Variants in DYNC2H1 observed in about 807,000 individuals in gnomAD.
DYNC2H1 encodes cytoplasmic dynein 2 heavy chain 1.
A neutral mutation model predicts 570.0 loss-of-function variants in DYNC2H1; 410 were observed. The observed-to-expected ratio is 0.72, with a 90% CI of 0.66 to 0.78. The LOEUF (loss-of-function observed/expected upper bound fraction) is 0.78, where lower values mean the gene tolerates loss of function less well. DYNC2H1 is among the 30% of genes least tolerant of loss of function. The probability of loss-of-function intolerance (pLI) is 0.00; values close to 1 mark genes in which losing one functional copy is unlikely to be tolerated. For synonymous variants in DYNC2H1, 1,688 were observed against 1,677.6 expected (o/e 1.01, Z -0.15); for missense variants, 4,865 against 5,046.4 (o/e 0.96, Z 1.09).
intron 20 of DYNC2H1, among the ~76,000 whole-genome samples, chr11:103,149,584 G>A (rs1860432122): frequency 6.6e-6 from 1 of 152,144 alleles, no homozygotes; most frequent in Admixed American, 6.5e-5. Flanking sequence ...GTTTAAAGGT[G>A]AATAAAATAA....
At chr11:103,429,260 CA>C (rs35977617) in intron 84 of DYNC2H1, among the ~76,000 whole-genome samples, 84,059 of 147,990 alleles carry the variant, frequency 0.57, 24,099 homozygotes, top group East Asian at 0.72. Flanking sequence ...GACCCTGTCT[CA>C]AAAAAAAAAC....
intron 13 of DYNC2H1, among the ~76,000 whole-genome samples, chr11:103,132,044 T>G (rs1253831134): frequency 6.6e-6 from 1 of 152,154 alleles, no homozygotes; most frequent in Non-Finnish European, 1.5e-5. Context: ...TTTTCTCTCT[T>G]CTTCCTTTTA....
chr11:103,272,235 A>G (rs906534551), intron 70 of DYNC2H1, among the ~76,000 whole-genome samples: 6 of 152,228 alleles, frequency 3.9e-5, no homozygotes, highest in Non-Finnish European at 7.3e-5. Flanking sequence ...ATGGAATACT[A>G]TGCAGCCATA....
chr11:103,273,711 G>A (rs909042862), intron 70 of DYNC2H1, among the ~76,000 whole-genome samples: 3 of 152,038 alleles, frequency 2.0e-5, no homozygotes, highest in Non-Finnish European at 2.9e-5. Flanking sequence ...AGCTTTCTTT[G>A]CCATTTCCAG....
chr11:103,214,803 T>C (rs1863314933), intron 54 of DYNC2H1, among the ~76,000 whole-genome samples: 1 of 150,548 alleles, frequency 6.6e-6, no homozygotes, highest in Non-Finnish European at 1.5e-5. Context: ...TTTTTTTTTT[T>C]TCCTATCTTT....
chr11:103,212,421 G>A (rs1210415152), intron 54 of DYNC2H1, among the ~76,000 whole-genome samples: 1 of 151,092 alleles, frequency 6.6e-6, no homozygotes, highest in Non-Finnish European at 1.5e-5. Context: ...AATACCACCT[G>A]TACCCAATAA....
intron 73 of DYNC2H1, among the ~76,000 whole-genome samples, chr11:103,284,574 C>T (rs1184120762): frequency 1.3e-5 from 2 of 152,048 alleles, no homozygotes; most frequent in Non-Finnish European, 2.9e-5. Context: ...GCCTTGTATA[C>T]TAAATGTCAA....
intron 70 of DYNC2H1, among the ~76,000 whole-genome samples, chr11:103,272,127 T>G (rs945022543): frequency 1.3e-4 from 20 of 152,292 alleles, no homozygotes; most frequent in Non-Finnish European, 2.2e-4. Flanking sequence ...TGCACACATA[T>G]GTTTATTGCG....
intron 59 of DYNC2H1, 132 bp downstream of exon 59, chr11:103,223,218 G>A: frequency 2.4e-6 from 2 of 827,268 alleles, no homozygotes; most frequent in Non-Finnish European, 3.3e-6. Context: ...ATATGAATGA[G>A]TCAATTAAAG....
At chr11:103,366,941 T>C (rs1940935352) in intron 83 of DYNC2H1, among the ~76,000 whole-genome samples, 1 of 152,128 alleles carries the variant, frequency 6.6e-6, no homozygotes, top group African/African-American at 2.4e-5. Flanking sequence ...ATTTTAAAGA[T>C]GTAATTAACA....
chr11:103,367,102 TTC>T (rs997018318), intron 83 of DYNC2H1, among the ~76,000 whole-genome samples: 16 of 152,272 alleles, frequency 1.1e-4, no homozygotes, highest in African/African-American at 3.6e-4. Context: ...AATGAATTAC[TTC>T]TCTGGGAAGA....
Position 103,156,459 on chromosome 11 carries a change from T to A in DYNC2H1, c.3816T>A (p.Val1272=), listed in dbSNP as rs1214690249. 3 of 1,613,722 alleles carry A rather than the reference T, an allele frequency of 1.9e-6. No homozygotes were observed. The highest frequency in any genetic ancestry group is 2.2e-5 in the South Asian group (2 of 91,046). ...TACGTGAACTTGATCTTTGGGGAGT[T>A]GGAGCAGTGTTTACATTAATTGATT... ...EALRELDLWG[V]GAVFTLIDYE... The change falls in exon 26 of 89, where the codon GTT becomes GTA. Residue 1272 remains valine (V), a synonymous_variant. Transcript: ENST00000375735.
chr11:103,227,611 A>G (rs931767180), intron 59 of DYNC2H1, among the ~76,000 whole-genome samples: 2 of 152,052 alleles, frequency 1.3e-5, no homozygotes, highest in Non-Finnish European at 1.5e-5. Context: ...CATATGGTCT[A>G]TTTTGGAGAA....
rs1393625854 is a variant in DYNC2H1 at position 103,252,295 on chromosome 11, G to A, written c.10043-990G>A. Among the ~76,000 whole-genome samples the A allele has an allele frequency of 1.3e-5, 2 of 152,032 alleles. No individual in the cohort carries two copies. Among genetic ancestry groups the A allele is most frequent in the Admixed American group, 6.6e-5 (1 of 15,246 alleles). On this transcript the variant is annotated intron_variant, in intron 65 of 88. Coordinates refer to ENST00000375735, the MANE Select transcript of DYNC2H1 (RefSeq NM_001377.3). This position sits in a 1 kb window ranked among gnomAD's most constrained non-coding sequence, Gnocchi z 4.6. ...AGGTTGTTTCCATGTCTTGGCTGTT[G>A]TGAATAATGCTGTGAAGAAATGGGA...
At chr11:103,282,098 C>T in intron 71 of DYNC2H1, 81 bp from the exon 72 acceptor site, 2 of 1,282,132 alleles carry the variant, frequency 1.6e-6, no homozygotes, top group Non-Finnish European at 2.2e-6. Context: ...CATTTTAAGC[C>T]ATCTTATAAG....
At chr11:103,298,226 G>A (rs1866914395) in intron 75 of DYNC2H1, among the ~76,000 whole-genome samples, 2 of 151,712 alleles carry the variant, frequency 1.3e-5, no homozygotes, top group Non-Finnish European at 2.9e-5. Flanking sequence ...TTTTTTTACT[G>A]CTCTAAGTAT....
rs750667581 is a variant in DYNC2H1, at chr11:103,326,553, C to T, written c.12039+2563C>T. On this transcript the variant is annotated intron_variant, in intron 82 of 88. Transcript: ENST00000375735. The surrounding 1 kb of genome is among the most constrained non-coding windows in gnomAD (Gnocchi z 6.1). ...GGCTCGGTACTCCTGAGCTGCAGAC[C>T]GCATTCCGGGGACACTGGAACAGCC... Among the ~76,000 whole-genome samples, 4 of 152,292 alleles carry T rather than the reference C, an allele frequency of 2.6e-5. No homozygotes were observed. The East Asian group carries it at 5.8e-4, about 22-fold the overall frequency.
chr11:103,175,564 T>G (rs1315895217), intron 36 of DYNC2H1, among the ~76,000 whole-genome samples: 1 of 152,200 alleles, frequency 6.6e-6, no homozygotes, highest in Non-Finnish European at 1.5e-5. Flanking sequence ...TGACTTTATG[T>G]ATCTTACCAA....
rs114274696 is a variant in DYNC2H1, at chr11:103,464,722, A to C, written c.12649-3867A>C. Among the ~76,000 whole-genome samples, 754 of 152,308 alleles carry C rather than the reference A, an allele frequency of 5.0e-3. 4 individuals carry two copies. Among genetic ancestry groups the C allele is most frequent in the African/African-American group, 0.017 (726 of 41,570 alleles). On this transcript the variant is annotated intron_variant, in intron 87 of 88. Coordinates refer to ENST00000375735, the MANE Select transcript of DYNC2H1 (RefSeq NM_001377.3). ...ACTTTATTGCCATCTAAAATAATTC[A>C]ATAATGAAAGCAATAAGAGACTTTA... is the stretch of plus-strand genomic sequence containing the variant.
Sources: allele counts gnomAD v4.1 joint callset (sites outside exome capture counted in the v4.1 genomes callset), GRCh38; gene constraint gnomAD v4.1.1; non-coding constraint Gnocchi (gnomAD v3.1); transcripts MANE v1.5; gene names NCBI Gene and HGNC (gene_info 2026-07-23, HGNC 2026-07-21).